The following HSPB1 variants were observed in gnomAD, a reference collection of about 807,000 sequenced individuals.
HSPB1 encodes heat shock protein family B (small) member 1.
HSPB1 carries 19 observed loss-of-function variants against 17.0 expected under a neutral mutation model. That is an observed-to-expected ratio of 1.12 (90% CI 0.78 to 1.64). HSPB1 has a LOEUF of 1.64. Among genes scored for constraint, HSPB1 ranks in the 40% most tolerant of loss-of-function variants. The pLI is 0.00. For missense variants in HSPB1, 348 were observed against 289.2 expected (o/e 1.20, Z -1.47); for synonymous variants, 165 against 129.8 (o/e 1.27, Z -1.84).
rs780878780 is a variant in HSPB1, at chr7:76,302,757, C to A, written c.45C>A (p.Ser15Arg). The A allele has an allele frequency of 6.2e-6, 10 of 1,607,130 alleles. No homozygotes were observed. Among genetic ancestry groups the A allele is most frequent in the Non-Finnish European group, 8.5e-6 (10 of 1,179,714 alleles). Residue 15 changes from serine (S) to arginine (R), a missense_variant, in exon 1 of 3, where the codon AGC becomes AGA. Coordinates refer to ENST00000248553, the MANE Select transcript of HSPB1 (RefSeq NM_001540.5). ...RVPFSLLRGP[S>R]WDPFRDWYPH... ...CCTTCTCGCTCCTGCGGGGCCCCAG[C>A]TGGGACCCCTTCCGCGACTGGTACC...
chr7:76,302,693 C>T lies in HSPB1; in HGVS notation c.-20C>T, dbSNP rs1304518479. On this transcript the variant is annotated 5_prime_UTR_variant, in exon 1 of 3. Transcript: ENST00000248553. ...GCCCCGCACTTTTCTGAGCAGACGT[C>T]CAGAGCAGAGTCAGCCAGCATGACC... 1.9e-6 allele frequency: 3 copies of T among 1,598,884 alleles called. No homozygotes were observed. Among genetic ancestry groups the T allele is most frequent in the Middle Eastern group, 2.2e-4 (1 of 4,596 alleles).
rs1017578432 is a variant in HSPB1 at position 76,304,194 on chromosome 7, C to A, written c.*21C>A. 5 of 1,597,414 alleles carry A rather than the reference C, an allele frequency of 3.1e-6. No homozygotes were observed. In the African/African-American group the frequency reaches 5.4e-5, roughly 17 times the overall value. ...AGTAAAGCCTTAGCCCGGATGCCCA[C>A]CCCTGCTGCCGCCACTGGCTGTGCC... On this transcript the variant is annotated 3_prime_UTR_variant, in exon 3 of 3. Coordinates refer to ENST00000248553, the MANE Select transcript of HSPB1 (RefSeq NM_001540.5).
At chr7:76,303,630 G>A (rs1299231246) in intron 1 of HSPB1, 172 bp from the exon 2 acceptor site, 2 of 644,562 alleles carry the variant, frequency 3.1e-6, no homozygotes, top group Non-Finnish European at 5.7e-6. Flanking sequence ...GAACTTTCCG[G>A]AAGTTTCTGA....
chr7:76,303,107 A>C (rs1212199096), intron 1 of HSPB1, 31 bp downstream of exon 1: 2 of 1,503,736 alleles, frequency 1.3e-6, no homozygotes, highest in Non-Finnish European at 8.9e-7. Context: ...AGGGGAGAGG[A>C]GGAGGCTAGC....
chr7:76,303,383 A>AC lies in HSPB1; in HGVS notation c.364+308dup, dbSNP rs370683989. ...CCCCCCGCCCCGACCCCGCGCCATT[A>AC]CAAAAAAAAAGCAAACAAAAATTTT... On this transcript the variant is annotated intron_variant, in intron 1 of 2. Transcript: ENST00000248553. 912 of 485,586 alleles carry AC rather than the reference A, an allele frequency of 1.9e-3. 7 individuals are homozygous for AC. Among genetic ancestry groups the AC allele is most frequent in the African/African-American group, 0.016 (815 of 50,196 alleles). 30.1% of individuals were successfully genotyped at this position (485,586 alleles called of 1,614,324 possible).
Position 76,303,994 on chromosome 7 carries a change from G to C in HSPB1, c.439G>C (p.Gly147Arg). The C allele has an allele frequency of 1.2e-6, 2 of 1,613,718 alleles. No individual in the cohort carries two copies. The highest frequency in any genetic ancestry group is 1.1e-5 in the South Asian group (1 of 91,068). The change falls in exon 3 of 3, where the codon GGT (glycine) becomes CGT (arginine). Residue 147 changes from glycine to arginine, a missense_variant. By Grantham distance (125) the Gly-to-Arg change is moderately radical. Coordinates refer to ENST00000248553, the MANE Select transcript of HSPB1 (RefSeq NM_001540.5). ...CFTRKYTLPPGVDPTQVSSSL... is the reference protein window; with the variant it reads ...CFTRKYTLPPRVDPTQVSSSL... ...TCTCTGCACGTCCAGGCTGCCCCCC[G>C]GTGTGGACCCCACCCAAGTTTCCTC...
intron 1 of HSPB1, 44 bp downstream of exon 1, chr7:76,303,120 G>A (rs775672063): frequency 4.7e-6 from 7 of 1,496,816 alleles, no homozygotes; most frequent in Non-Finnish European, 6.2e-6. Context: ...AGGCTAGCAG[G>A]GCGGGCAGGG....
rs908686422 is a variant in HSPB1 at position 76,303,242 on chromosome 7, G to A, written c.364+166G>A. ...CCCTTGCTCAGGAATTGGGAGTGCG[G>A]GTCGCTTCTAAGGGCGCTTTCTGCT... On this transcript the variant is annotated intron_variant, in intron 1 of 2. Coordinates refer to ENST00000248553, the MANE Select transcript of HSPB1 (RefSeq NM_001540.5). 5 of 853,408 alleles carry A rather than the reference G, an allele frequency of 5.9e-6. 1 individual carries two copies. Among genetic ancestry groups the A allele is most frequent in the Non-Finnish European group, 8.8e-6 (5 of 568,096 alleles). The allele number at this position is 853,408 out of a possible 1,614,324, so 52.9% of individuals were successfully genotyped here.
intron 1 of HSPB1, 138 bp from the exon 2 acceptor site, chr7:76,303,664 C>G: frequency 1.5e-6 from 1 of 675,482 alleles, no homozygotes. Context: ...CGGGCACGCC[C>G]CCATCCCCAA....
rs373485993 is a variant in HSPB1 at position 76,303,798 on chromosome 7, A to G, written c.365-4A>G. ...GCAGTCTGATTTCCCTCTTCCCCCC[A>G]AAGGCAAGCACGAGGAGCGGCAGGA... On this transcript the variant is annotated splice_region_variant and splice_polypyrimidine_tract_variant and intron_variant, in intron 1 of 2. Transcript: ENST00000248553. 8.1e-6 allele frequency: 13 copies of G among 1,606,522 alleles called. No homozygotes were observed. The highest frequency in any genetic ancestry group is 1.1e-5 in the Non-Finnish European group (13 of 1,177,580).
intron 1 of HSPB1, chr7:76,303,349 G>T: frequency 2.0e-6 from 1 of 507,246 alleles, no homozygotes; most frequent in South Asian, 3.0e-5. Context: ...GCAACATAGC[G>T]AGACGCGCCC....
In HSPB1 at chr7:76,303,995, G is replaced by A. The variant is rs1803067344; in HGVS notation, c.440G>A (p.Gly147Asp). The part of the protein sequence containing the change: ...CFTRKYTLPP[G>D]VDPTQVSSSL... ...CTCTGCACGTCCAGGCTGCCCCCCG[G>A]TGTGGACCCCACCCAAGTTTCCTCC... is the stretch of plus-strand genomic sequence containing the variant. The change falls in exon 3 of 3, where the codon GGT becomes GAT. Residue 147 changes from glycine (G) to aspartate (D), a missense_variant. Gly to Asp is a moderately conservative substitution (Grantham distance 94, BLOSUM62 -1). Transcript: ENST00000248553. 1 of 1,613,776 alleles carries A rather than the reference G, an allele frequency of 6.2e-7. No individual in the cohort carries two copies. Among genetic ancestry groups the A allele is most frequent in the Non-Finnish European group, 8.5e-7 (1 of 1,179,996 alleles).
At chr7:76,303,734 C>G in intron 1 of HSPB1, 68 bp from the exon 2 acceptor site, 1 of 1,407,648 alleles carries the variant, frequency 7.1e-7, no homozygotes, top group Non-Finnish European at 1.0e-6. Context: ...GGAGGTGGGG[C>G]CTCTGGCCTA....
At chr7:76,303,624 T>C (rs1803051104) in intron 1 of HSPB1, 178 bp from the exon 2 acceptor site, 3 of 640,184 alleles carry the variant, frequency 4.7e-6, no homozygotes. Flanking sequence ...ATCGAAGAAC[T>C]TTCCGGAAGT....
intron 1 of HSPB1, 36 bp from the exon 2 acceptor site, chr7:76,303,766 C>T: frequency 1.3e-6 from 2 of 1,599,888 alleles, no homozygotes; most frequent in Non-Finnish European, 8.5e-7. Context: ...AGGCAGTCCC[C>T]TCCCCCGCAG....
chr7:76,303,608 C>G, intron 1 of HSPB1, 194 bp from the exon 2 acceptor site: 1 of 634,520 alleles, frequency 1.6e-6, no homozygotes, highest in Non-Finnish European at 2.9e-6. Context: ...CCTCCCAAAA[C>G]TCTGAATCGA....
Position 76,303,180 on chromosome 7 carries a change from C to T in HSPB1, c.364+104C>T, listed in dbSNP as rs1221674184. ...GGTCCCGGGGGCCTGGGGAGTTAAA[C>T]GTTGGCCCAGCACCGGGAAAAACAG... On this transcript the variant is annotated intron_variant, in intron 1 of 2. Coordinates refer to ENST00000248553, the MANE Select transcript of HSPB1 (RefSeq NM_001540.5). 2.9e-6 allele frequency: 4 copies of T among 1,374,966 alleles called. No individual in the cohort carries two copies. In the African/African-American group the frequency reaches 5.8e-5, roughly 20 times the overall value. The allele number at this position is 1,374,966 out of a possible 1,614,324, so 85.2% of individuals were successfully genotyped here. A position where few individuals can be genotyped will look rare whatever the true frequency, so the allele number is the denominator to read the frequency against.
intron 2 of HSPB1, 44 bp downstream of exon 2, chr7:76,303,909 TG>T: frequency 6.5e-7 from 1 of 1,530,924 alleles, no homozygotes; most frequent in African/African-American, 1.4e-5. Context: ...GGCGTGGGGG[TG>T]GGGTCAGGGA....
intron 1 of HSPB1, chr7:76,303,366 CCCGACCCCGCG>C (rs1803040025): frequency 1.9e-6 from 1 of 516,752 alleles, no homozygotes; most frequent in Non-Finnish European, 3.4e-6. Flanking sequence ...GCCCCCCCGC[CCCGACCCCGCG>C]CCATTACAAA....
Sources: allele counts gnomAD v4.1 joint callset, GRCh38; gene constraint gnomAD v4.1.1; transcripts MANE v1.5; gene names NCBI Gene and HGNC (gene_info 2026-07-23, HGNC 2026-07-21).